Variants in TGFBI observed in about 807,000 individuals in gnomAD.
TGFBI encodes the protein transforming growth factor beta induced, also known as transforming growth factor-beta-induced protein ig-h3.
Under a neutral mutation model 73.7 loss-of-function variants are expected in TGFBI, and 50 were observed. That is an observed-to-expected ratio of 0.68 (90% CI 0.54 to 0.86). TGFBI has a LOEUF of 0.86. Ranked by LOEUF, TGFBI falls within the 40% of genes least tolerant of loss-of-function variation. TGFBI has a pLI of 0.00. For missense variants in TGFBI, 839 were observed against 877.0 expected, an observed-to-expected ratio of 0.96 and a Z score of 0.55; for synonymous variants, 362 against 360.5, an observed-to-expected ratio of 1.00 and a Z score of -0.05.
At position 136,046,328 on chromosome 5, in the gene TGFBI, C is replaced by A. The variant is rs763418896; in HGVS notation, c.299-7C>A. 2 of 1,613,768 alleles carry A rather than the reference C, an allele frequency of 1.2e-6. No homozygotes were observed. Among genetic ancestry groups the A allele is most frequent in the African/African-American group, 2.7e-5 (2 of 74,898 alleles). ...GCCATCCCTCCTTCTGTCTTCTGCTCCTGCAGCCCTACCACTCTCAAACCT... is the reference window on the plus strand; with the variant it reads ...GCCATCCCTCCTTCTGTCTTCTGCTACTGCAGCCCTACCACTCTCAAACCT... On this transcript the variant is annotated splice_region_variant and splice_polypyrimidine_tract_variant and intron_variant, in intron 3 of 16. Transcript: ENST00000442011.
chr5:136,046,486 C>T lies in TGFBI; in HGVS notation c.450C>T (p.Ser150=). Residue 150 remains serine, a synonymous_variant, in exon 4 of 17, where the codon TCC becomes TCT. Coordinates refer to ENST00000442011, the MANE Select transcript of TGFBI (RefSeq NM_000358.3). ...CCCCTAGCAACGAGGCCTGGGCCTC[C>T]TTGCCAGCTGTGAGATGACCTCCGT... ...IFAPSNEAWA[S]LPAEVLDSLV... 3 of 1,606,808 alleles carry T rather than the reference C, an allele frequency of 1.9e-6. No homozygotes were observed. Among genetic ancestry groups the T allele is most frequent in the South Asian group, 1.1e-5 (1 of 90,388 alleles).
At chr5:136,045,823 A>G (rs1751417914) in intron 3 of TGFBI, 1 of 152,248 alleles carries the variant, frequency 6.6e-6, no homozygotes, top group Admixed American at 6.5e-5. Flanking sequence ...AAACAAATGA[A>G]CATGAAACTC....
rs189998974 is a variant in TGFBI, at chr5:136,056,065, C to A, written c.1547+249C>A. Among the ~76,000 whole-genome samples, 213 of 152,276 alleles carry A rather than the reference C, an allele frequency of 1.4e-3. 1 individual carries two copies. The highest frequency in any genetic ancestry group is 3.4e-3 in the Middle Eastern group (1 of 294). ...CATGGGAAGCAGGGAGGGGGGACTA[C>A]ATTTTTATGACTGAAGTGCAAGGAA... On this transcript the variant is annotated intron_variant, in intron 11 of 16. Coordinates refer to ENST00000442011, the MANE Select transcript of TGFBI (RefSeq NM_000358.3).
At chr5:136,032,668 CT>C (rs934816431) in intron 1 of TGFBI, among the ~76,000 whole-genome samples, 12 of 152,222 alleles carry the variant, frequency 7.9e-5, no homozygotes, top group African/African-American at 2.9e-4. Flanking sequence ...GTTTTATTTG[CT>C]TTCCTCTGAC....
At chr5:136,055,893 T>A (rs1242523696) in intron 11 of TGFBI, 77 bp downstream of exon 11, 1 of 1,453,122 alleles carries the variant, frequency 6.9e-7, no homozygotes, top group African/African-American at 1.4e-5. Flanking sequence ...CAGCTATTTG[T>A]CAAGCTTTCT....
intron 12 of TGFBI, 69 bp downstream of exon 12, chr5:136,056,864 A>G: frequency 1.3e-6 from 2 of 1,512,282 alleles, no homozygotes; most frequent in African/African-American, 1.4e-5. Flanking sequence ...CCAGCAGCAA[A>G]CAGTTGGCAC....
intron 4 of TGFBI, 118 bp downstream of exon 4, chr5:136,046,613 C>T: frequency 3.0e-6 from 4 of 1,345,394 alleles, no homozygotes; most frequent in Non-Finnish European, 4.0e-6. Context: ...GAAGCTTTCT[C>T]CTTAACCCCT....
chr5:136,042,708 C>A (rs1391469782), intron 2 of TGFBI, among the ~76,000 whole-genome samples: 1 of 152,152 alleles, frequency 6.6e-6, no homozygotes, highest in Non-Finnish European at 1.5e-5. Context: ...TGTCACTCCT[C>A]AGTCATTTCC....
intron 13 of TGFBI, 123 bp downstream of exon 13, chr5:136,059,337 G>A (rs1751707039): frequency 7.3e-7 from 1 of 1,376,532 alleles, no homozygotes; most frequent in Non-Finnish European, 9.8e-7. Context: ...ATCTCTGAGT[G>A]TAATTCGTCC....
chr5:136,052,261 T>C (rs140222925), intron 7 of TGFBI, among the ~76,000 whole-genome samples: 1 of 152,384 alleles, frequency 6.6e-6, no homozygotes, highest in Non-Finnish European at 1.5e-5. Flanking sequence ...TTTATGGGTG[T>C]GGTGAATGGG....
At chr5:136,061,094 T>C in intron 14 of TGFBI, 158 bp downstream of exon 14, 1 of 631,380 alleles carries the variant, frequency 1.6e-6, no homozygotes, top group Non-Finnish European at 2.7e-6. Flanking sequence ...AATTGGGAGC[T>C]GTTGGTTTTG....
chr5:136,035,361 C>A (rs560749945), intron 2 of TGFBI, among the ~76,000 whole-genome samples: 1 of 152,186 alleles, frequency 6.6e-6, no homozygotes, highest in African/African-American at 2.4e-5. Context: ...CAGTGGCTCA[C>A]GCCTGTAATC....
At chr5:136,044,334 C>A (rs2126907871) in intron 3 of TGFBI, among the ~76,000 whole-genome samples, 1 of 152,376 alleles carries the variant, frequency 6.6e-6, no homozygotes, top group East Asian at 1.9e-4. Flanking sequence ...CTCCTCCTGG[C>A]CTCCTTACCA....
At chr5:136,035,565 C>T (rs1222055628) in intron 2 of TGFBI, among the ~76,000 whole-genome samples, 1 of 144,886 alleles carries the variant, frequency 6.9e-6, no homozygotes, top group East Asian at 2.0e-4. Context: ...GCGGAGCTTG[C>T]AGTGAGCCAA....
At chr5:136,037,909 G>A (rs1751256744) in intron 2 of TGFBI, among the ~76,000 whole-genome samples, 1 of 152,178 alleles carries the variant, frequency 6.6e-6, no homozygotes, top group African/African-American at 2.4e-5. Context: ...AGGTGAAGAA[G>A]AGCTGTCGTT....
chr5:136,029,237 G>T, intron 1 of TGFBI, 48 bp downstream of exon 1: 3 of 1,421,798 alleles, frequency 2.1e-6, no homozygotes, highest in Non-Finnish European at 2.7e-6. Flanking sequence ...AGGTAGTCGG[G>T]GCTCGGAGCG....
intron 10 of TGFBI, 178 bp from the exon 11 acceptor site, chr5:136,055,502 A>G: frequency 1.9e-6 from 1 of 534,252 alleles, no homozygotes; most frequent in Non-Finnish European, 2.9e-6. Context: ...AAGGAAGACC[A>G]TTTATTGTTT....
intron 2 of TGFBI, among the ~76,000 whole-genome samples, chr5:136,039,086 G>A (rs1057351724): frequency 3.9e-5 from 6 of 152,138 alleles, no homozygotes; most frequent in African/African-American, 1.4e-4. Flanking sequence ...CTCATGTAGG[G>A]TATTGCTTTC....
rs370523274 is a variant in TGFBI at position 136,055,803 on chromosome 5, G to A, written c.1534G>A (p.Asp512Asn). 5 of 1,608,714 alleles carry A rather than the reference G, an allele frequency of 3.1e-6. No individual in the cohort carries two copies. The highest frequency in any genetic ancestry group is 4.5e-5 in the East Asian group (2 of 44,696). ...GACTGTCATGGATGTCCTGAAGGGA[G>A]ACAATCGCTTTAGGTAATTAGTTCC... ...MGTVMDVLKG[D>N]NRFSMLVAAI... is the part of the protein sequence containing the mutation. The change falls in exon 11 of 17, where the codon GAC (aspartate) becomes AAC (asparagine). Residue 512 changes from aspartate (D) to asparagine (N), a missense_variant. Physicochemically the swap from Asp to Asn is conservative, Grantham distance 23 (BLOSUM62 1). Coordinates refer to ENST00000442011, the MANE Select transcript of TGFBI (RefSeq NM_000358.3).
Sources: allele counts gnomAD v4.1 joint callset (sites outside exome capture counted in the v4.1 genomes callset), GRCh38; gene constraint gnomAD v4.1.1; transcripts MANE v1.5; gene names NCBI Gene and HGNC (gene_info 2026-07-23, HGNC 2026-07-21).